GTF2IRD2: variants seen among roughly 807,000 people sequenced by gnomAD.
GTF2IRD2 encodes the protein GTF2I repeat domain containing 2.
A neutral mutation model predicts 49.2 loss-of-function variants in GTF2IRD2; 8 were observed. That is an observed-to-expected ratio of 0.16 (90% CI 0.10 to 0.29). The LOEUF is 0.29. GTF2IRD2 is among the 10% of genes least tolerant of loss of function. GTF2IRD2 has a pLI of 1.00. For missense variants in GTF2IRD2, 130 were observed against 725.7 expected (o/e 0.18, Z 9.43); for synonymous variants, 47 against 289.7 (o/e 0.16, Z 8.51).
Position 74,796,182 on chromosome 7 carries a change from C to A in GTF2IRD2, c.*480G>T. 6.1e-6 allele frequency: 1 copy of A among 163,806 alleles called. No homozygotes were observed. The highest frequency in any genetic ancestry group is 2.6e-5 in the African/African-American group (1 of 38,074). 10.1% of individuals were successfully genotyped at this position (163,806 alleles called of 1,614,324 possible). ...TCTTGATTTTTAATGAATAGTGAGG[C>A]ATACAATGTAATATAAACAAGTATG... On this transcript the variant is annotated 3_prime_UTR_variant, in exon 16 of 16. Coordinates refer to ENST00000451013, the MANE Select transcript of GTF2IRD2 (RefSeq NM_173537.5).
At chr7:74,830,152 A>G (rs1341402064) in intron 3 of GTF2IRD2, among the ~76,000 whole-genome samples, 2 of 128,656 alleles carry the variant, frequency 1.6e-5, no homozygotes, top group Non-Finnish European at 3.3e-5. Context: ...GGATCACTTG[A>G]GCCCAGGAAT....
chr7:74,830,089 T>C, intron 3 of GTF2IRD2, among the ~76,000 whole-genome samples: 1 of 147,340 alleles, frequency 6.8e-6, no homozygotes, highest in East Asian at 2.0e-4. Flanking sequence ...TGACCAAATA[T>C]TTAGCATGCA....
chr7:74,821,977 T>C (rs1221216432), intron 6 of GTF2IRD2: 7 of 277,498 alleles, frequency 2.5e-5, no homozygotes, highest in Admixed American at 4.9e-5. Context: ...CCTAGGCACA[T>C]GTGTGCCACA....
chr7:74,822,595 T>G, intron 5 of GTF2IRD2, 29 bp downstream of exon 5: 2 of 566,178 alleles, frequency 3.5e-6, no homozygotes, highest in South Asian at 4.1e-5. Flanking sequence ...TTAAATGAAC[T>G]GAAGGGGCGG....
chr7:74,838,297 A>G (rs1258127526), intron 1 of GTF2IRD2, among the ~76,000 whole-genome samples: 1 of 134,102 alleles, frequency 7.5e-6, no homozygotes, highest in Non-Finnish European at 1.5e-5. Flanking sequence ...TTTGTGTGCT[A>G]AAGATAGGAA....
chr7:74,842,563 C>G (rs1800938950), intron 1 of GTF2IRD2, among the ~76,000 whole-genome samples: 1 of 143,642 alleles, frequency 7.0e-6, no homozygotes, highest in South Asian at 2.3e-4. Context: ...TTTTTTCTGA[C>G]AGGGTCTCAT....
At chr7:74,830,618 A>G (rs1429893384) in intron 3 of GTF2IRD2, among the ~76,000 whole-genome samples, 1 of 146,116 alleles carries the variant, frequency 6.8e-6, no homozygotes, top group East Asian at 2.0e-4. Context: ...TAATGCAGGG[A>G]CAGAAAACCA....
chr7:74,840,016 G>A (rs1243834494), intron 1 of GTF2IRD2, among the ~76,000 whole-genome samples: 2 of 147,772 alleles, frequency 1.4e-5, no homozygotes, highest in East Asian at 4.0e-4. Flanking sequence ...AAAAAAGGGA[G>A]ATGCCACAGC....
intron 1 of GTF2IRD2, among the ~76,000 whole-genome samples, chr7:74,839,974 G>A (rs1554421548): frequency 6.8e-6 from 1 of 148,044 alleles, no homozygotes; most frequent in East Asian, 2.0e-4. Context: ...CCCTCCAGGT[G>A]GGGCAACAGA....
intron 15 of GTF2IRD2, chr7:74,799,089 AC>A (rs1375547298): frequency 1.2e-5 from 1 of 86,506 alleles, no homozygotes; most frequent in African/African-American, 5.0e-5. Context: ...CAAGCGATCC[AC>A]CCGCCTTGGC....
At chr7:74,825,850 G>C (rs1346144036) in intron 3 of GTF2IRD2, among the ~76,000 whole-genome samples, 2 of 149,230 alleles carry the variant, frequency 1.3e-5, no homozygotes, top group Admixed American at 6.8e-5. Flanking sequence ...ACCCAGGCTG[G>C]AGTGCAGTGG....
chr7:74,798,624 T>C (rs1318891217), intron 15 of GTF2IRD2, among the ~76,000 whole-genome samples: 1 of 149,418 alleles, frequency 6.7e-6, no homozygotes, highest in Non-Finnish European at 1.5e-5. Flanking sequence ...TTCTTCTGCC[T>C]CAGCCTCCTG....
chr7:74,803,820 CAACACAAATAA>C lies in GTF2IRD2; in HGVS notation c.1034-350_1034-340del, dbSNP rs1162198617. Among the ~76,000 whole-genome samples, 10 of 24,070 alleles carry C rather than the reference CAACACAAATAA, an allele frequency of 4.2e-4. 5 individuals are homozygous for C. In the South Asian group the frequency reaches 0.013, roughly 30 times the overall value. 15.8% of individuals were successfully genotyped at this position (24,070 alleles called of 152,430 possible). On this transcript the variant is annotated intron_variant, in intron 13 of 15. Coordinates refer to ENST00000451013, the MANE Select transcript of GTF2IRD2 (RefSeq NM_173537.5). The stretch of plus-strand genomic sequence containing the variant: ...ACAAAACAACAAATTAAAAAAACAA[CAACACAAATAA>C]AACTAGCTGAGTTTGTTCCTTACGT...
rs1465500858 is a variant in GTF2IRD2 at position 74,827,923 on chromosome 7, C to T, written c.239-2871G>A. On this transcript the variant is annotated intron_variant, in intron 3 of 15. Coordinates refer to ENST00000451013, the MANE Select transcript of GTF2IRD2 (RefSeq NM_173537.5). ...GCAACCTCCACCTCCCGGGTTCAAG[C>T]GATTCTCCTGCCTCTCCCTCCCGAG... Among the ~76,000 whole-genome samples, 22 of 31,934 alleles carry T rather than the reference C, an allele frequency of 6.9e-4. 2 individuals are homozygous for T. Among genetic ancestry groups the T allele is most frequent in the East Asian group, 4.3e-3 (1 of 230 alleles). 20.9% of individuals were successfully genotyped at this position (31,934 alleles called of 152,430 possible).
rs1343588430 is a variant in GTF2IRD2 at position 74,833,257 on chromosome 7, A to G, written c.100-314T>C. On this transcript the variant is annotated intron_variant, in intron 2 of 15. Transcript: ENST00000451013. ...TGTGTGTGTGTGTGTGTGTGTGTGT[A>G]TTTTTAGTAGAGACGGGGTTTCACC... is the stretch of plus-strand genomic sequence containing the variant. Among the ~76,000 whole-genome samples, 144 of 118,804 alleles carry G rather than the reference A, an allele frequency of 1.2e-3. 14 individuals carry two copies. Among genetic ancestry groups the G allele is most frequent in the Non-Finnish European group, 9.2e-4 (52 of 56,486 alleles). The allele number at this position is 118,804 out of a possible 152,430, so 77.9% of individuals were successfully genotyped here. A position where few individuals can be genotyped will look rare whatever the true frequency, so the allele number is the denominator to read the frequency against.
chr7:74,832,659 GTTTAT>G (rs1799939295), intron 3 of GTF2IRD2, 141 bp downstream of exon 3: 1 of 1,536,090 alleles, frequency 6.5e-7, no homozygotes, highest in East Asian at 2.3e-5. Flanking sequence ...GTTAAGCAGT[GTTTAT>G]TTGGTAAGCT....
At chr7:74,829,946 T>C (rs1799700971) in intron 3 of GTF2IRD2, among the ~76,000 whole-genome samples, 2 of 150,012 alleles carry the variant, frequency 1.3e-5, no homozygotes, top group African/African-American at 4.9e-5. Flanking sequence ...GAAGTAATCT[T>C]GAAGAAGAGC....
At position 74,796,187 on chromosome 7, in the gene GTF2IRD2, A is replaced by G. The variant is rs1256433565; in HGVS notation, c.*475T>C. On this transcript the variant is annotated 3_prime_UTR_variant, in exon 16 of 16. Transcript: ENST00000451013. The stretch of plus-strand genomic sequence containing the variant: ...ATTTTTAATGAATAGTGAGGCATAC[A>G]ATGTAATATAAACAAGTATGATACT... 1.1e-5 allele frequency: 2 copies of G among 176,570 alleles called. No homozygotes were observed. The highest frequency in any genetic ancestry group is 5.0e-5 in the African/African-American group (2 of 40,132). The allele number at this position is 176,570 out of a possible 1,614,324, so 10.9% of individuals were successfully genotyped here. A position where few individuals can be genotyped will look rare whatever the true frequency, so the allele number is the denominator to read the frequency against.
chr7:74,845,966 T>TG (rs2131830590), intron 1 of GTF2IRD2, among the ~76,000 whole-genome samples: 1 of 131,698 alleles, frequency 7.6e-6, no homozygotes, highest in East Asian at 2.2e-4. Flanking sequence ...GATGGAGTCT[T>TG]GCTCTGTGGC....
Sources: allele counts gnomAD v4.1 joint callset (sites outside exome capture counted in the v4.1 genomes callset), GRCh38; gene constraint gnomAD v4.1.1; transcripts MANE v1.5; gene names NCBI Gene and HGNC (gene_info 2026-07-23, HGNC 2026-07-21).